The following EMB variants were observed in gnomAD, a reference collection of about 807,000 sequenced individuals.
EMB encodes the protein embigin homolog.
In EMB, 31 loss-of-function variants were observed where a neutral mutation model predicts 41.4. The observed-to-expected ratio is 0.75, with a 90% CI of 0.56 to 1.01. The LOEUF (loss-of-function observed/expected upper bound fraction) is 1.01, where lower values mean the gene tolerates loss of function less well. Ranked by LOEUF, EMB falls within the 50% of genes least tolerant of loss-of-function variation. The pLI is 0.00. For synonymous variants in EMB, 137 were observed against 140.4 expected, an observed-to-expected ratio of 0.98 and a Z score of 0.17; for missense variants, 379 against 388.3, an observed-to-expected ratio of 0.98 and a Z score of 0.20.
intron 1 of EMB, among the ~76,000 whole-genome samples, chr5:50,439,497 T>A (rs935534451): frequency 6.6e-6 from 1 of 151,572 alleles, no homozygotes; most frequent in African/African-American, 2.4e-5. Context: ...ATTTTTTTTT[T>A]TTTTTTTTTA....
rs1318180755 is a variant in EMB at position 50,420,461 on chromosome 5, C to T, written c.196+7683G>A. Among the ~76,000 whole-genome samples the T allele has an allele frequency of 2.0e-4, 30 of 152,144 alleles. 1 individual carries two copies. Among genetic ancestry groups the T allele is most frequent in the Admixed American group, 1.3e-3 (20 of 15,274 alleles). ...GTCAGTACATACATTTTGTACACAC[C>T]CCAAGTGACTGATTGTCTCAGGTCA... On this transcript the variant is annotated intron_variant, in intron 2 of 8. Coordinates refer to ENST00000303221, the MANE Select transcript of EMB (RefSeq NM_198449.3).
chr5:50,402,418 T>C (rs1393223598), intron 6 of EMB, 99 bp from the exon 7 acceptor site: 14 of 1,110,458 alleles, frequency 1.3e-5, no homozygotes, highest in Middle Eastern at 2.0e-4. Context: ...GTAAGTACTA[T>C]GCTGTTTCTC....
chr5:50,430,028 C>T (rs1269366258), intron 1 of EMB, among the ~76,000 whole-genome samples: 1 of 151,516 alleles, frequency 6.6e-6, no homozygotes. Flanking sequence ...CACACACAAA[C>T]ACACATATAC....
In EMB at chr5:50,441,079, C is replaced by G. The variant is rs536007220; in HGVS notation, c.73G>C (p.Ala25Pro). Reference sequence around the variant, plus strand: ...TCCGCCGAGCTTGGGCGCGCGGCAGCGAGAAGGCACTGGAGGAGGAGCAGC... The same window carrying G: ...TCCGCCGAGCTTGGGCGCGCGGCAGGGAGAAGGCACTGGAGGAGGAGCAGC... ...PRLLLLQCLL[A>P]AARPSSADGS... is the part of the protein sequence containing the mutation. The change falls in exon 1 of 9, where the codon GCT becomes CCT. Residue 25 changes from alanine to proline, a missense_variant. Physicochemically the swap from Ala to Pro is conservative, Grantham distance 27 (BLOSUM62 -1). Transcript: ENST00000303221. 4 of 1,517,298 alleles carry G rather than the reference C, an allele frequency of 2.6e-6. No individual in the cohort carries two copies. The highest frequency in any genetic ancestry group is 2.6e-6 in the Non-Finnish European group (3 of 1,134,808). 94.0% of individuals were successfully genotyped at this position (1,517,298 alleles called of 1,614,324 possible).
chr5:50,442,569 G>A (rs1388562541), upstream of EMB, among the ~76,000 whole-genome samples: 5 of 152,080 alleles, frequency 3.3e-5, no homozygotes, highest in Non-Finnish European at 7.4e-5. Context: ...ACAAATCTCA[G>A]AAAAGCCTCT....
intron 4 of EMB, among the ~76,000 whole-genome samples, chr5:50,407,865 T>G (rs1745273474): frequency 6.6e-6 from 1 of 151,986 alleles, no homozygotes; most frequent in Non-Finnish European, 1.5e-5. Context: ...AGATGGGGTT[T>G]GGATATACCC....
At chr5:50,419,532 T>TACACAC (rs1442610577) in intron 2 of EMB, among the ~76,000 whole-genome samples, 1 of 139,170 alleles carries the variant, frequency 7.2e-6, no homozygotes, top group Non-Finnish European at 1.5e-5. Context: ...GAACCCCCAC[T>TACACAC]ACATACACAC....
chr5:50,402,519 T>C (rs866356280), intron 6 of EMB, among the ~76,000 whole-genome samples, 200 bp from the exon 7 acceptor site: 1 of 152,002 alleles, frequency 6.6e-6, no homozygotes, highest in South Asian at 2.1e-4. Context: ...TGATCAAACA[T>C]AGTTTAGTGG....
intron 1 of EMB, chr5:50,428,770 C>T (rs1246762597): frequency 5.1e-6 from 5 of 984,418 alleles, no homozygotes; most frequent in Non-Finnish European, 6.0e-6. Flanking sequence ...ACCTGACTTT[C>T]AGTTTCCTCT....
intron 1 of EMB, 137 bp downstream of exon 1, chr5:50,440,902 TC>T: frequency 2.0e-6 from 1 of 511,584 alleles, no homozygotes; most frequent in Non-Finnish European, 3.1e-6. Flanking sequence ...CCGCCGACTC[TC>T]CCACCCGCCC....
At chr5:50,432,751 A>T (rs1013194622) in intron 1 of EMB, among the ~76,000 whole-genome samples, 12 of 35,412 alleles carry the variant, frequency 3.4e-4, no homozygotes, top group African/African-American at 6.2e-4. Flanking sequence ...AAAAACAAGT[A>T]AAAAAAAAAA....
intron 8 of EMB, 98 bp from the exon 9 acceptor site, chr5:50,399,388 G>C: frequency 6.6e-7 from 1 of 1,517,148 alleles, no homozygotes; most frequent in Non-Finnish European, 8.9e-7. Context: ...ACTGGGAAGT[G>C]AGGGATCCAA....
chr5:50,441,367 C>A (rs1350813901), upstream of EMB: 5 of 358,262 alleles, frequency 1.4e-5, no homozygotes, highest in East Asian at 1.6e-4. Flanking sequence ...ATCAGTTATG[C>A]AGCCCTCAGC....
intron 2 of EMB, among the ~76,000 whole-genome samples, chr5:50,425,595 T>C (rs558126459): frequency 1.3e-5 from 2 of 152,172 alleles, no homozygotes; most frequent in South Asian, 4.2e-4. Context: ...ATAAAAATAG[T>C]CCATTACCAA....
chr5:50,410,165 T>C (rs1745310908), intron 4 of EMB, among the ~76,000 whole-genome samples: 1 of 152,122 alleles, frequency 6.6e-6, no homozygotes, highest in Admixed American at 6.6e-5. Flanking sequence ...GTAGTTAATA[T>C]GGCGACAGAT....
chr5:50,414,316 G>A (rs1745393105), intron 2 of EMB, among the ~76,000 whole-genome samples: 1 of 151,826 alleles, frequency 6.6e-6, no homozygotes, highest in Non-Finnish European at 1.5e-5. Flanking sequence ...CTTGAGCACA[G>A]GCATTCCAGA....
chr5:50,436,077 C>G (rs1036756652), intron 1 of EMB, among the ~76,000 whole-genome samples: 2 of 152,096 alleles, frequency 1.3e-5, no homozygotes, highest in Non-Finnish European at 2.9e-5. Flanking sequence ...AACCCAAGAT[C>G]TGGGTGCTAA....
intron 1 of EMB, among the ~76,000 whole-genome samples, chr5:50,429,696 GA>G (rs1368330692): frequency 6.6e-6 from 1 of 151,840 alleles, no homozygotes; most frequent in African/African-American, 2.4e-5. Context: ...TTTAAAAAAA[GA>G]AAAAAAGTCC....
At chr5:50,428,553 AGAT>A in intron 1 of EMB, 1 of 1,001,348 alleles carries the variant, frequency 1.0e-6, no homozygotes, top group Non-Finnish European at 1.2e-6. Context: ...CCAAGGAATC[AGAT>A]GAGAGAGCCA....
Sources: allele counts gnomAD v4.1 joint callset (sites outside exome capture counted in the v4.1 genomes callset), GRCh38; gene constraint gnomAD v4.1.1; transcripts MANE v1.5; gene names NCBI Gene and HGNC (gene_info 2026-07-23, HGNC 2026-07-21).